Variants in FRMD3 observed in about 807,000 individuals in gnomAD.
FRMD3 encodes the protein FERM domain containing 3.
Under a neutral mutation model 70.2 loss-of-function variants are expected in FRMD3, and 33 were observed. The ratio of observed to expected loss-of-function variants is 0.47; its 90% CI spans 0.36 to 0.63. The LOEUF (loss-of-function observed/expected upper bound fraction) is 0.63, where lower values mean the gene tolerates loss of function less well. Ranked by LOEUF, FRMD3 falls within the 20% of genes least tolerant of loss-of-function variation. The pLI is 0.00. For missense variants in FRMD3, 632 were observed against 711.4 expected, an observed-to-expected ratio of 0.89 and a Z score of 1.27; for synonymous variants, 279 against 255.9, an observed-to-expected ratio of 1.09 and a Z score of -0.86.
chr9:83,249,827 A>G (rs1832314085), intron 13 of FRMD3, among the ~76,000 whole-genome samples: 1 of 152,194 alleles, frequency 6.6e-6, no homozygotes, highest in South Asian at 2.1e-4. Context: ...ATGTGAAGAC[A>G]TTAGAACCCT....
intron 1 of FRMD3, among the ~76,000 whole-genome samples, chr9:83,535,584 T>A (rs983714737): frequency 2.6e-5 from 4 of 151,592 alleles, no homozygotes; most frequent in African/African-American, 9.7e-5. Context: ...CAGAAATTCA[T>A]AAACTTTCTT....
intron 13 of FRMD3, among the ~76,000 whole-genome samples, chr9:83,274,036 G>A (rs540060723): frequency 6.6e-6 from 1 of 152,188 alleles, no homozygotes; most frequent in Admixed American, 6.5e-5. Flanking sequence ...TCTCAGGCTG[G>A]TCTTGAACTC....
At chr9:83,521,110 G>A (rs1158754011) in intron 1 of FRMD3, among the ~76,000 whole-genome samples, 1 of 151,390 alleles carries the variant, frequency 6.6e-6, no homozygotes, top group Non-Finnish European at 1.5e-5. Context: ...CTGCACTCTA[G>A]TCTGGGTGAC....
At chr9:83,490,621 A>G (rs1007209351) in intron 1 of FRMD3, among the ~76,000 whole-genome samples, 1 of 152,152 alleles carries the variant, frequency 6.6e-6, no homozygotes, top group South Asian at 2.1e-4. Flanking sequence ...CTTTTAATCT[A>G]TTTGGCACAA....
chr9:83,331,225 G>A (rs922244093), intron 6 of FRMD3, among the ~76,000 whole-genome samples: 1 of 152,162 alleles, frequency 6.6e-6, no homozygotes, highest in African/African-American at 2.4e-5. Context: ...CAGGTAAATG[G>A]ATAAATTATG....
At chr9:83,440,147 T>C (rs371309898) in intron 1 of FRMD3, among the ~76,000 whole-genome samples, 51 of 152,308 alleles carry the variant, frequency 3.3e-4, no homozygotes, top group African/African-American at 1.1e-3. Context: ...AGACCCAATT[T>C]CTTTGTAGCC....
chr9:83,439,064 C>T (rs933475620), intron 1 of FRMD3, among the ~76,000 whole-genome samples: 2 of 152,230 alleles, frequency 1.3e-5, no homozygotes, highest in African/African-American at 4.8e-5. Flanking sequence ...CTCACCTGGA[C>T]ATGCCTATTC....
At position 83,479,750 on chromosome 9, in the gene FRMD3, G is replaced by A. The variant is rs1351127964; in HGVS notation, c.147+58335C>T. The stretch of plus-strand genomic sequence containing the variant: ...GAAAGGGAAAGAAAGAAAAAGAAAA[G>A]AGAAGAAGAAGGGAGGGAGGGAGGG... On this transcript the variant is annotated intron_variant, in intron 1 of 13. Coordinates refer to ENST00000304195, the MANE Select transcript of FRMD3 (RefSeq NM_174938.6). 2.5e-3 allele frequency among the ~76,000 whole-genome samples: 241 copies of A among 96,576 alleles called. 3 individuals are homozygous for A. Among genetic ancestry groups the A allele is most frequent in the African/African-American group, 8.4e-3 (200 of 23,670 alleles). The allele number at this position is 96,576 out of a possible 152,430, so 63.4% of individuals were successfully genotyped here.
chr9:83,292,790 G>A (rs2118986863), intron 12 of FRMD3, among the ~76,000 whole-genome samples: 1 of 152,266 alleles, frequency 6.6e-6, no homozygotes, highest in Admixed American at 6.5e-5. Context: ...TGGGATTACA[G>A]GCATCTGCCA....
intron 13 of FRMD3, among the ~76,000 whole-genome samples, chr9:83,283,556 A>T (rs1468872263): frequency 1.1e-5 from 1 of 89,516 alleles, no homozygotes; most frequent in Non-Finnish European, 2.4e-5. Context: ...AAATAATAAT[A>T]ATAATAATAA....
chr9:83,351,555 A>G (rs1301529796), intron 3 of FRMD3, among the ~76,000 whole-genome samples: 1 of 152,206 alleles, frequency 6.6e-6, no homozygotes, highest in Non-Finnish European at 1.5e-5. Context: ...ATCTTTAATG[A>G]TATCTAGAAA....
the FRMD3 span, among the ~76,000 whole-genome samples, chr9:83,571,417 A>G: frequency 0.025 from 3,804 of 152,316 alleles, 91 homozygotes; most frequent in East Asian, 0.052. Context: ...AGACTAAGAT[A>G]GACTTCCAAG....
At chr9:83,510,185 T>G (rs895354922) in intron 1 of FRMD3, among the ~76,000 whole-genome samples, 1 of 152,064 alleles carries the variant, frequency 6.6e-6, no homozygotes, top group African/African-American at 2.4e-5. Flanking sequence ...AGAGGAGGGC[T>G]CCAGAGAGAG....
intron 1 of FRMD3, among the ~76,000 whole-genome samples, chr9:83,440,713 C>T (rs774054266): frequency 5.3e-5 from 8 of 152,192 alleles, no homozygotes; most frequent in Non-Finnish European, 8.8e-5. Context: ...CCAATCTGAG[C>T]CTTGTGTTTC....
Position 83,451,846 on chromosome 9 carries a change from T to C in FRMD3, c.148-62138A>G, listed in dbSNP as rs141904832. ...TATTAATAATCTAACAATTTAACAA[T>C]TTATAACTATTATAACTAATAACTA... On this transcript the variant is annotated intron_variant, in intron 1 of 13. Transcript: ENST00000304195. 3.3e-3 allele frequency among the ~76,000 whole-genome samples: 504 copies of C among 152,342 alleles called. 5 individuals carry two copies. Among genetic ancestry groups the C allele is most frequent in the Middle Eastern group, 0.01 (3 of 294 alleles).
intron 2 of FRMD3, among the ~76,000 whole-genome samples, chr9:83,376,551 G>A (rs186963826): frequency 2.0e-5 from 3 of 151,706 alleles, no homozygotes; most frequent in Admixed American, 1.3e-4. Context: ...ATCAGTCAGC[G>A]CCATGTGAAT....
At chr9:83,387,427 TC>T (rs899609482) in intron 2 of FRMD3, among the ~76,000 whole-genome samples, 3 of 152,152 alleles carry the variant, frequency 2.0e-5, no homozygotes, top group Non-Finnish European at 4.4e-5. Context: ...GGCCTTAGTT[TC>T]CCCCTTCCTT....
intron 1 of FRMD3, among the ~76,000 whole-genome samples, chr9:83,459,355 CA>C (rs1301919828): frequency 6.6e-6 from 1 of 152,232 alleles, no homozygotes; most frequent in Non-Finnish European, 1.5e-5. Context: ...CAGGTATCCA[CA>C]AGCAGACACA....
At chr9:83,467,748 C>T in intron 1 of FRMD3, 2 of 1,509,886 alleles carry the variant, frequency 1.3e-6, no homozygotes, top group Non-Finnish European at 1.8e-6. Flanking sequence ...GGGCTCCAAT[C>T]TAAGCTCGCT....
Sources: allele counts gnomAD v4.1 joint callset (sites outside exome capture counted in the v4.1 genomes callset), GRCh38; gene constraint gnomAD v4.1.1; transcripts MANE v1.5; gene names NCBI Gene and HGNC (gene_info 2026-07-23, HGNC 2026-07-21).